APC: variants seen among roughly 807,000 people sequenced by gnomAD.
The protein encoded by APC is adenomatous polyposis coli protein.
A neutral mutation model predicts 247.0 loss-of-function variants in APC; 72 were observed. The ratio of observed to expected loss-of-function variants is 0.29; its 90% CI spans 0.24 to 0.35. The LOEUF is 0.35. APC is among the 10% of genes least tolerant of loss of function. APC has a pLI of 1.00. For synonymous variants in APC, 1,254 were observed against 1,162.5 expected, an observed-to-expected ratio of 1.08 and a Z score of -1.60; for missense variants, 3,400 against 3,360.7, an observed-to-expected ratio of 1.01 and a Z score of -0.29.
chr5:112,780,689 T>G, intron 5 of APC, 101 bp from the exon 6 acceptor site: 1 of 810,210 alleles, frequency 1.2e-6, no homozygotes, highest in Non-Finnish European at 2.1e-6. Flanking sequence ...ACTGACGTAT[T>G]TGCTTATTCA....
intron 1 of APC, chr5:112,738,245 A>G (rs1752557548): frequency 1.0e-6 from 1 of 977,838 alleles, no homozygotes; most frequent in Admixed American, 6.2e-5. Context: ...GAGTGGAATA[A>G]CAGTATCTAA....
chr5:112,804,115 G>C (rs1255577000), intron 8 of APC, among the ~76,000 whole-genome samples: 1 of 152,114 alleles, frequency 6.6e-6, no homozygotes, highest in African/African-American at 2.4e-5. Flanking sequence ...CATATTATAT[G>C]TTTTACTCAT....
At chr5:112,768,935 A>G (rs1193380175) in intron 4 of APC, among the ~76,000 whole-genome samples, 1 of 151,648 alleles carries the variant, frequency 6.6e-6, no homozygotes, top group Non-Finnish European at 1.5e-5. Context: ...TCTAGCTGTA[A>G]TTTTATATTC....
chr5:112,796,963 ATT>A (rs1760272649), intron 7 of APC, among the ~76,000 whole-genome samples: 1 of 152,012 alleles, frequency 6.6e-6, no homozygotes, highest in Non-Finnish European at 1.5e-5. Context: ...ATAGCCCTCT[ATT>A]TTATTTAATG....
chr5:112,800,906 T>A (rs1760746677), intron 7 of APC, among the ~76,000 whole-genome samples: 1 of 152,112 alleles, frequency 6.6e-6, no homozygotes, highest in African/African-American at 2.4e-5. Context: ...ATAGTTTAAC[T>A]GTTGTATTTG....
At chr5:112,757,910 A>G (rs1315873491) in intron 2 of APC, among the ~76,000 whole-genome samples, 1 of 152,184 alleles carries the variant, frequency 6.6e-6, no homozygotes, top group Non-Finnish European at 1.5e-5. Context: ...TTTAAGTATA[A>G]TGATATTATT....
At position 112,803,191 on chromosome 5, in the gene APC, G is replaced by C. The variant is rs2952615; in HGVS notation, c.834+1808G>C. Among the ~76,000 whole-genome samples the C allele has an allele frequency of 0.6, 91,471 of 151,890 alleles. 28,029 individuals are homozygous for C. The highest frequency in any genetic ancestry group is 0.82 in the East Asian group (4,253 of 5,184). On this transcript the variant is annotated intron_variant, in intron 8 of 15. Transcript: ENST00000257430. The stretch of plus-strand genomic sequence containing the variant: ...CTTTTAATTGTATGACATGAAACAG[G>C]CTTTCTGGAGAGCAATTTTGTCAAA...
intron 1 of APC, among the ~76,000 whole-genome samples, chr5:112,741,900 T>G (rs1753079532): frequency 6.6e-6 from 1 of 152,212 alleles, no homozygotes. Context: ...CCTGGCTTAT[T>G]TCACTTAGCA....
intron 1 of APC, among the ~76,000 whole-genome samples, chr5:112,738,767 A>C (rs1752635875): frequency 6.6e-6 from 1 of 152,238 alleles, no homozygotes; most frequent in South Asian, 2.1e-4. Flanking sequence ...CAGAAAAAAA[A>C]TTACTGTTTT....
intron 1 of APC, among the ~76,000 whole-genome samples, chr5:112,714,026 A>C (rs1278267698): frequency 6.6e-6 from 1 of 152,208 alleles, no homozygotes; most frequent in Non-Finnish European, 1.5e-5. Context: ...TTATTATGTA[A>C]AATTAGAATA....
At chr5:112,808,539 C>T (rs1236320423) in intron 8 of APC, among the ~76,000 whole-genome samples, 1 of 152,044 alleles carries the variant, frequency 6.6e-6, no homozygotes, top group Non-Finnish European at 1.5e-5. Flanking sequence ...CCTTGAACTC[C>T]TGGGCTTAAG....
intron 8 of APC, among the ~76,000 whole-genome samples, chr5:112,812,491 A>G (rs1334159031): frequency 1.3e-5 from 2 of 152,120 alleles, no homozygotes; most frequent in Non-Finnish European, 2.9e-5. Flanking sequence ...CTCTCCACAC[A>G]CACACAAACA....
At position 112,753,223 on chromosome 5, in the gene APC, A is replaced by G. The variant is rs1371197650; in HGVS notation, c.-18-1650A>G. ...TGCTTATTAAAAAGATGTAAAACAA[A>G]ATAATGATCACTCCTGTGGATTTTT... On this transcript the variant is annotated intron_variant, in intron 1 of 15. Coordinates refer to ENST00000257430, the MANE Select transcript of APC (RefSeq NM_000038.6). Among the ~76,000 whole-genome samples the G allele has an allele frequency of 2.0e-5, 3 of 152,278 alleles. No homozygotes were observed. In the East Asian group the frequency reaches 5.8e-4, roughly 29 times the overall value.
Position 112,840,127 on chromosome 5 carries a change from C to G in APC, c.4533C>G (p.Leu1511=). 6.2e-7 allele frequency: 1 copy of G among 1,613,950 alleles called. No homozygotes were observed. Among genetic ancestry groups the G allele is most frequent in the Non-Finnish European group, 8.5e-7 (1 of 1,179,988 alleles). The change falls in exon 16 of 16, where the codon CTC becomes CTG. Residue 1511 remains leucine (L), a synonymous_variant. Coordinates refer to ENST00000257430, the MANE Select transcript of APC (RefSeq NM_000038.6). This position sits in a 1 kb window ranked among gnomAD's most constrained non-coding sequence, Gnocchi z 4.1. ...CATCCAGCCTGAGTGCTCTGAGCCTCGATGAGCCATTTATACAGAAAGATG... is the reference window on the plus strand; with the variant it reads ...CATCCAGCCTGAGTGCTCTGAGCCTGGATGAGCCATTTATACAGAAAGATG... ...SCSSSLSALS[L]DEPFIQKDVE... is the part of the protein sequence containing the mutation.
chr5:112,746,612 C>CA (rs1188645216), intron 1 of APC, among the ~76,000 whole-genome samples: 4 of 152,006 alleles, frequency 2.6e-5, no homozygotes, highest in Admixed American at 6.6e-5. Flanking sequence ...TATGATTATA[C>CA]AAAAAAGTGC....
At chr5:112,829,043 C>T (rs1764037953) in intron 14 of APC, 71 bp downstream of exon 14, 2 of 1,041,492 alleles carry the variant, frequency 1.9e-6, no homozygotes, top group Non-Finnish European at 3.0e-6. Flanking sequence ...CTTCTTTTAG[C>T]CATGAGATTT....
Position 112,845,739 on chromosome 5 carries a change from C to T in APC, c.*1613C>T, listed in dbSNP as rs1766930831. 1 of 231,928 alleles carries T rather than the reference C, an allele frequency of 4.3e-6. No homozygotes were observed. Among genetic ancestry groups the T allele is most frequent in the African/African-American group, 2.2e-5 (1 of 45,252 alleles). The allele number at this position is 231,928 out of a possible 1,614,324, so 14.4% of individuals were successfully genotyped here. On this transcript the variant is annotated 3_prime_UTR_variant, in exon 16 of 16. Transcript: ENST00000257430. ...AGGAAAATAAACTGACACTTATTAACTAAGATAATTTACTTAATATATCTT... is the reference window on the plus strand; with the variant it reads ...AGGAAAATAAACTGACACTTATTAATTAAGATAATTTACTTAATATATCTT...
At chr5:112,776,995 AT>A in intron 5 of APC, among the ~76,000 whole-genome samples, 1 of 152,246 alleles carries the variant, frequency 6.6e-6, no homozygotes, top group East Asian at 1.9e-4. Context: ...AACATTTTTC[AT>A]TTTAGAAATT....
intron 1 of APC, among the ~76,000 whole-genome samples, chr5:112,746,070 C>T (rs536687645): frequency 6.6e-6 from 1 of 151,922 alleles, no homozygotes; most frequent in South Asian, 2.1e-4. Flanking sequence ...GAAAAGATAC[C>T]TTCAGATAAA....
Sources: allele counts gnomAD v4.1 joint callset (sites outside exome capture counted in the v4.1 genomes callset), GRCh38; gene constraint gnomAD v4.1.1; non-coding constraint Gnocchi (gnomAD v3.1); transcripts MANE v1.5; gene names NCBI Gene and HGNC (gene_info 2026-07-23, HGNC 2026-07-21).